CPNE5: variants seen among roughly 807,000 people sequenced by gnomAD.
CPNE5 encodes the protein copine-5.
Under a neutral mutation model 81.1 loss-of-function variants are expected in CPNE5, and 42 were observed. The observed-to-expected ratio is 0.52, with a 90% CI of 0.40 to 0.67. The LOEUF is 0.67. CPNE5 is among the 30% of genes least tolerant of loss of function. The pLI is 0.00. For synonymous variants in CPNE5, 313 were observed against 321.5 expected, an observed-to-expected ratio of 0.97 and a Z score of 0.28; for missense variants, 612 against 815.5, an observed-to-expected ratio of 0.75 and a Z score of 3.04.
Position 36,741,926 on chromosome 6 carries a change from A to G in CPNE5, c.*342T>C. 1 of 266,432 alleles carries G rather than the reference A, an allele frequency of 3.8e-6. No individual in the cohort carries two copies. The allele number at this position is 266,432 out of a possible 1,614,324, so 16.5% of individuals were successfully genotyped here. On this transcript the variant is annotated 3_prime_UTR_variant, in exon 21 of 21. Transcript: ENST00000244751. ...GGCCAAGCCCAGGCTTCAGGGTGACAGGTAAGCAAATAGGATTGCCGGGGG... is the reference window on the plus strand; with the variant it reads ...GGCCAAGCCCAGGCTTCAGGGTGACGGGTAAGCAAATAGGATTGCCGGGGG...
Position 36,748,262 on chromosome 6 carries a change from T to C in CPNE5, c.977A>G (p.Gln326Arg), listed in dbSNP as rs543980188. Reference sequence around the variant, plus strand: ...ATCAATGGCCACAGTGAAGTTGATCTGGGTCCTAGAAGAGGGAGAACAGCA... The same window carrying C: ...ATCAATGGCCACAGTGAAGTTGATCCGGGTCCTAGAAGAGGGAGAACAGCA... ...TFLDYIKGGT[Q>R]INFTVAIDFT... is the part of the protein sequence containing the mutation. The change falls in exon 15 of 21, where the codon CAG becomes CGG. Residue 326 changes from glutamine (Q) to arginine (R), a missense_variant. Physicochemically the swap from Gln to Arg is conservative, Grantham distance 43. Transcript: ENST00000244751. The C allele has an allele frequency of 6.8e-6, 11 of 1,613,996 alleles. No individual in the cohort carries two copies. The highest frequency in any genetic ancestry group is 1.7e-5 in the Admixed American group (1 of 60,004).
chr6:36,815,723 G>T (rs1771484581), intron 3 of CPNE5, among the ~76,000 whole-genome samples: 1 of 152,230 alleles, frequency 6.6e-6, no homozygotes, highest in African/African-American at 2.4e-5. Context: ...CCCCGAGGAA[G>T]ATCATTCAGA....
intron 13 of CPNE5, 84 bp from the exon 14 acceptor site, chr6:36,753,179 A>C: frequency 8.8e-7 from 1 of 1,136,056 alleles, no homozygotes; most frequent in Non-Finnish European, 1.3e-6. Flanking sequence ...CATTGACAGA[A>C]CACTCGGCAT....
intron 1 of CPNE5, among the ~76,000 whole-genome samples, chr6:36,831,487 G>A (rs1240016293): frequency 3.3e-5 from 5 of 151,956 alleles, no homozygotes; most frequent in African/African-American, 1.2e-4. Flanking sequence ...TCGAGTAGCT[G>A]GGATTACAGG....
chr6:36,816,768 G>T (rs956495716), intron 3 of CPNE5, among the ~76,000 whole-genome samples: 2 of 152,082 alleles, frequency 1.3e-5, no homozygotes, highest in Non-Finnish European at 2.9e-5. Context: ...CCCCTCTCCC[G>T]TCCCCAGTAT....
intron 1 of CPNE5, among the ~76,000 whole-genome samples, chr6:36,826,475 G>C (rs1772511597): frequency 6.6e-6 from 1 of 152,212 alleles, no homozygotes; most frequent in Admixed American, 6.5e-5. Context: ...CTGATGGACA[G>C]CTACTTCCTC....
chr6:36,839,477 T>A, upstream of CPNE5: 1 of 1,004,614 alleles, frequency 1.0e-6, no homozygotes, highest in South Asian at 1.8e-5. This position sits in a 1 kb window ranked among gnomAD's most constrained non-coding sequence, Gnocchi z 7.3. Context: ...CTCCAGAGCC[T>A]GGGCTGGGCG....
intron 10 of CPNE5, among the ~76,000 whole-genome samples, chr6:36,770,598 C>T (rs1166246797): frequency 6.6e-6 from 1 of 152,032 alleles, no homozygotes; most frequent in Non-Finnish European, 1.5e-5. Flanking sequence ...TTAGTTCCCT[C>T]CTATCCCTCT....
At position 36,741,576 on chromosome 6, in the gene CPNE5, G is replaced by A. The variant is rs1191474526; in HGVS notation, c.*692C>T. 6.6e-6 allele frequency: 1 copy of A among 152,276 alleles called. No homozygotes were observed. Among genetic ancestry groups the A allele is most frequent in the African/African-American group, 2.4e-5 (1 of 41,446 alleles). The allele number at this position is 152,276 out of a possible 1,614,324, so 9.4% of individuals were successfully genotyped here. A position where few individuals can be genotyped will look rare whatever the true frequency, so the allele number is the denominator to read the frequency against. On this transcript the variant is annotated 3_prime_UTR_variant, in exon 21 of 21. Coordinates refer to ENST00000244751, the MANE Select transcript of CPNE5 (RefSeq NM_020939.2). ...TGGAAGTACCTGTGGGCCCACACCA[G>A]GGAGAGGCCTCCACAGGCCATCTGT...
At position 36,765,237 on chromosome 6, in the gene CPNE5, G is replaced by A. The variant is rs529156823; in HGVS notation, c.779+98C>T. 2,017 of 1,312,794 alleles carry A rather than the reference G, an allele frequency of 1.5e-3. 4 individuals carry two copies. Among genetic ancestry groups the A allele is most frequent in the Admixed American group, 3.8e-3 (194 of 51,618 alleles). The allele number at this position is 1,312,794 out of a possible 1,614,324, so 81.3% of individuals were successfully genotyped here. On this transcript the variant is annotated intron_variant, in intron 11 of 20. Coordinates refer to ENST00000244751, the MANE Select transcript of CPNE5 (RefSeq NM_020939.2). ...GCTCCCTCACCCCCAGAGCCACTGCGGGGGGGAGCCTGGTCACAGCTCCGC... is the reference window on the plus strand; with the variant it reads ...GCTCCCTCACCCCCAGAGCCACTGCAGGGGGGAGCCTGGTCACAGCTCCGC...
intron 1 of CPNE5, among the ~76,000 whole-genome samples, chr6:36,830,015 A>G (rs1772854901): frequency 6.6e-6 from 1 of 152,090 alleles, no homozygotes; most frequent in Admixed American, 6.6e-5. Flanking sequence ...ATCTGTGCCA[A>G]GTCCTTTGTC....
intron 3 of CPNE5, among the ~76,000 whole-genome samples, chr6:36,811,904 G>C (rs1771136419): frequency 1.3e-5 from 2 of 152,080 alleles, no homozygotes; most frequent in African/African-American, 4.8e-5. Context: ...AGGAATTTGA[G>C]ACCAGCCTGG....
chr6:36,755,949 A>G (rs1185367723), intron 13 of CPNE5: 6 of 386,892 alleles, frequency 1.6e-5, no homozygotes, highest in East Asian at 5.6e-5. Flanking sequence ...TTCCCAGGGT[A>G]GGGGCCCAAT....
chr6:36,784,230 C>T (rs1768315020), intron 8 of CPNE5, among the ~76,000 whole-genome samples: 1 of 152,164 alleles, frequency 6.6e-6, no homozygotes, highest in African/African-American at 2.4e-5. Context: ...CAATCTAGAC[C>T]CAGAAACATT....
rs763640227 is a variant in CPNE5 at position 36,742,064 on chromosome 6, G to A, written c.*204C>T. The A allele has an allele frequency of 3.4e-5, 19 of 561,742 alleles. No individual in the cohort carries two copies. Among genetic ancestry groups the A allele is most frequent in the East Asian group, 8.7e-5 (3 of 34,594 alleles). The allele number at this position is 561,742 out of a possible 1,614,324, so 34.8% of individuals were successfully genotyped here. A position where few individuals can be genotyped will look rare whatever the true frequency, so the allele number is the denominator to read the frequency against. ...GTCCCTGTGTACCCCTCTTTCACCC[G>A]TACCCCCCTAACTCCCTGGGTTTGG... On this transcript the variant is annotated 3_prime_UTR_variant, in exon 21 of 21. Coordinates refer to ENST00000244751, the MANE Select transcript of CPNE5 (RefSeq NM_020939.2).
In CPNE5 at chr6:36,823,099, C is replaced by T. The variant is rs1270780566; in HGVS notation, c.96-1G>A. The T allele has an allele frequency of 1.9e-6, 3 of 1,566,624 alleles. No homozygotes were observed. Among genetic ancestry groups the T allele is most frequent in the Non-Finnish European group, 2.6e-6 (3 of 1,154,292 alleles). On this transcript the variant is annotated splice_acceptor_variant, in intron 1 of 20. Transcript: ENST00000244751. LOFTEE classifies it high-confidence loss of function. ...AAACATGTCTTTGTCCAGGAGGTTC[C>T]TGAAAGAGGGGGAGAGAGGAGGGGT...
chr6:36,816,373 A>C (rs1391403227), intron 3 of CPNE5, among the ~76,000 whole-genome samples: 1 of 152,224 alleles, frequency 6.6e-6, no homozygotes, highest in Non-Finnish European at 1.5e-5. Context: ...CTTTCTCAGA[A>C]GGCATAAAAA....
rs1672090124 is a variant in CPNE5, at chr6:36,746,206, G to A, written c.1200+190C>T. ...GTGGGCAGGCAGCTTCAGACATGGAGGGGCAGCATCTGTGATCAGGGAAGG... is the reference window on the plus strand; with the variant it reads ...GTGGGCAGGCAGCTTCAGACATGGAAGGGCAGCATCTGTGATCAGGGAAGG... On this transcript the variant is annotated intron_variant, in intron 16 of 20. Coordinates refer to ENST00000244751, the MANE Select transcript of CPNE5 (RefSeq NM_020939.2). This position sits in a 1 kb window ranked among gnomAD's most constrained non-coding sequence, Gnocchi z 4.5. 2.0e-6 allele frequency: 2 copies of A among 985,276 alleles called. No individual in the cohort carries two copies. 61.0% of individuals were successfully genotyped at this position (985,276 alleles called of 1,614,324 possible). A position where few individuals can be genotyped will look rare whatever the true frequency, so the allele number is the denominator to read the frequency against.
chr6:36,798,226 C>T lies in CPNE5; in HGVS notation c.343G>A (p.Ala115Thr). ...DLSKHDFLGQ[A>T]FCTLGEIVGS... is the part of the protein sequence containing the mutation. ...ACAATCTCTCCAAGGGTGCAGAAGG[C>T]CTGGCCCAGGAAATCCTGCATATCC... The change falls in exon 6 of 21, where the codon GCC becomes ACC. Residue 115 changes from alanine (A) to threonine (T), a missense_variant. Coordinates refer to ENST00000244751, the MANE Select transcript of CPNE5 (RefSeq NM_020939.2). The T allele has an allele frequency of 1.2e-6, 2 of 1,613,588 alleles. No homozygotes were observed. The highest frequency in any genetic ancestry group is 2.2e-5 in the South Asian group (2 of 90,946).
Sources: gnomAD v4.1 joint callset for allele counts (sites outside exome capture counted in the v4.1 genomes callset) on GRCh38, gnomAD v4.1.1 for gene constraint, Gnocchi (gnomAD v3.1) non-coding constraint, MANE v1.5 for transcripts, NCBI Gene and HGNC (gene_info 2026-07-23, HGNC 2026-07-21) for gene names.